Variants in ATP8A2 observed in about 807,000 individuals in gnomAD.
The protein encoded by ATP8A2 is ATPase phospholipid transporting 8A2.
In ATP8A2, 100 loss-of-function variants were observed where a neutral mutation model predicts 165.6. The ratio of observed to expected loss-of-function variants is 0.60; its 90% CI spans 0.51 to 0.71. The LOEUF is 0.71. Among genes scored for constraint, ATP8A2 ranks in the 30% least tolerant of loss-of-function variants. ATP8A2 has a pLI of 0.00. For synonymous variants in ATP8A2, 543 were observed against 548.8 expected, an observed-to-expected ratio of 0.99 and a Z score of 0.15; for missense variants, 1,227 against 1,479.5, an observed-to-expected ratio of 0.83 and a Z score of 2.80.
intron 25 of ATP8A2, 60 bp downstream of exon 25, chr13:25,699,405 A>C: frequency 7.8e-7 from 1 of 1,278,528 alleles, no homozygotes; most frequent in Admixed American, 2.9e-5. Context: ...CCGTGCTTAT[A>C]CAAAAGAAAG....
rs192689141 is a variant in ATP8A2, at chr13:25,979,700, G to A, written c.3377+11021G>A. 2.0e-5 allele frequency among the ~76,000 whole-genome samples: 3 copies of A among 152,308 alleles called. No individual in the cohort carries two copies. The East Asian group carries it at 5.8e-4, about 29-fold the overall frequency. The stretch of plus-strand genomic sequence containing the variant: ...GGAGGAAGTGCCAGGCCAGACTCCG[G>A]CCTAGAATGAGAGAGGGAATTCCTA... On this transcript the variant is annotated intron_variant, in intron 35 of 36. Coordinates refer to ENST00000381655, the MANE Select transcript of ATP8A2 (RefSeq NM_016529.6).
intron 1 of ATP8A2, among the ~76,000 whole-genome samples, chr13:25,415,415 G>A (rs2034103678): frequency 6.6e-6 from 1 of 152,182 alleles, no homozygotes; most frequent in South Asian, 2.1e-4. Context: ...CACTCAACTG[G>A]AGTCTGCACT....
intron 1 of ATP8A2, among the ~76,000 whole-genome samples, chr13:25,439,567 G>C (rs2034873847): frequency 6.6e-6 from 1 of 152,090 alleles, no homozygotes; most frequent in African/African-American, 2.4e-5. Flanking sequence ...TGCCACATAT[G>C]GTTTTGTTAA....
At chr13:25,981,038 A>C (rs1180786932) in intron 35 of ATP8A2, among the ~76,000 whole-genome samples, 1 of 152,258 alleles carries the variant, frequency 6.6e-6, no homozygotes, top group Non-Finnish European at 1.5e-5. Context: ...CAAAACGACA[A>C]AAATTAGAAG....
chr13:25,518,122 C>A (rs2037538097), intron 2 of ATP8A2, among the ~76,000 whole-genome samples: 1 of 152,194 alleles, frequency 6.6e-6, no homozygotes, highest in Non-Finnish European at 1.5e-5. Flanking sequence ...GGTGGTGTTG[C>A]TCTTGTTCTT....
intron 33 of ATP8A2, among the ~76,000 whole-genome samples, chr13:25,870,152 A>G (rs937969924): frequency 2.6e-5 from 4 of 152,104 alleles, no homozygotes; most frequent in African/African-American, 9.7e-5. Context: ...CATTCTGGCG[A>G]TAGGTGGCCT....
At chr13:25,787,629 C>T (rs560053706) in intron 27 of ATP8A2, among the ~76,000 whole-genome samples, 2 of 152,216 alleles carry the variant, frequency 1.3e-5, no homozygotes, top group African/African-American at 2.4e-5. Flanking sequence ...ACTTATTTGC[C>T]TCTCCTCCTC....
At chr13:25,853,059 G>T (rs1192693691) in intron 30 of ATP8A2, among the ~76,000 whole-genome samples, 1 of 152,038 alleles carries the variant, frequency 6.6e-6, no homozygotes, top group Admixed American at 6.5e-5. Flanking sequence ...TGTGTAAAGT[G>T]CTTAGAACTG....
chr13:25,904,517 C>T (rs59251565), intron 33 of ATP8A2, among the ~76,000 whole-genome samples: 1,589 of 152,314 alleles, frequency 0.01, 31 homozygotes, highest in African/African-American at 0.035. Context: ...TCCTGCCTGC[C>T]GGAAGCGCTG....
At chr13:25,852,711 G>A (rs1013213499) in intron 30 of ATP8A2, among the ~76,000 whole-genome samples, 3 of 152,072 alleles carry the variant, frequency 2.0e-5, no homozygotes, top group Admixed American at 1.3e-4. Context: ...GTGCAGTGGT[G>A]TGTGCCTGTA....
At chr13:25,751,216 A>G (rs76211800) in intron 25 of ATP8A2, among the ~76,000 whole-genome samples, 1,590 of 152,280 alleles carry the variant, frequency 0.01, 35 homozygotes, top group African/African-American at 0.037. Context: ...AGGGCCCCAG[A>G]CTGTAATAAG....
chr13:25,380,853 A>C (rs2032811780), intron 1 of ATP8A2, among the ~76,000 whole-genome samples: 1 of 152,194 alleles, frequency 6.6e-6, no homozygotes, highest in Non-Finnish European at 1.5e-5. Flanking sequence ...ACCAGTGTGA[A>C]AGAACTAAAG....
At chr13:25,862,237 G>A (rs2138764852) in intron 32 of ATP8A2, 64 bp from the exon 33 acceptor site, 1 of 1,138,078 alleles carries the variant, frequency 8.8e-7, no homozygotes, top group Non-Finnish European at 1.3e-6. Flanking sequence ...TGCAGCAAGT[G>A]GAGTTGGGGT....
rs751773257 is a variant in ATP8A2, at chr13:25,530,077, T to C, written c.300T>C (p.Phe100=). Residue 100 remains phenylalanine, a synonymous_variant, in exon 3 of 37, where the codon TTT becomes TTC. Transcript: ENST00000381655. ...TTAGAAGAGCTGCTAATGCCTTCTT[T>C]CTCTTCATTGCCTTATTACAGGTAA... ...EQIRRAANAF[F]LFIALLQQIP... is the part of the protein sequence containing the mutation. 1.1e-5 allele frequency: 17 copies of C among 1,605,852 alleles called. No individual in the cohort carries two copies. The Admixed American group carries it at 1.8e-4, about 17-fold the overall frequency.
Position 25,414,293 on chromosome 13 carries a change from C to T in ATP8A2, c.76+42005C>T, listed in dbSNP as rs577249921. Among the ~76,000 whole-genome samples the T allele has an allele frequency of 5.3e-5, 8 of 150,706 alleles. No individual in the cohort carries two copies. The South Asian group carries it at 1.5e-3, about 28-fold the overall frequency. On this transcript the variant is annotated intron_variant, in intron 1 of 36. Transcript: ENST00000381655. ...GCAATCTCTGCCTCCCGGGTTCAAGCGATTTTCCTGCCCCAGCCTCCCGAG... is the reference window on the plus strand; with the variant it reads ...GCAATCTCTGCCTCCCGGGTTCAAGTGATTTTCCTGCCCCAGCCTCCCGAG...
chr13:25,773,326 C>T (rs1352252780), intron 26 of ATP8A2, among the ~76,000 whole-genome samples: 1 of 152,142 alleles, frequency 6.6e-6, no homozygotes, highest in East Asian at 1.9e-4. Context: ...TTGCAGCTAA[C>T]GGCACATTTA....
chr13:25,540,866 CTTT>C (rs553196713), intron 8 of ATP8A2, among the ~76,000 whole-genome samples: 1 of 143,342 alleles, frequency 7.0e-6, no homozygotes, highest in Non-Finnish European at 1.5e-5. Flanking sequence ...TTTTTTGGTT[CTTT>C]TTTTTTTTTT....
intron 25 of ATP8A2, among the ~76,000 whole-genome samples, chr13:25,706,871 G>GT (rs954197903): frequency 2.0e-5 from 3 of 151,952 alleles, no homozygotes; most frequent in Admixed American, 6.6e-5. Flanking sequence ...TTTTAGATAG[G>GT]TTTTTTTAAA....
chr13:25,430,952 G>A (rs1368758776), intron 1 of ATP8A2, among the ~76,000 whole-genome samples: 1 of 151,804 alleles, frequency 6.6e-6, no homozygotes, highest in South Asian at 2.1e-4. Flanking sequence ...GAAGAAACTG[G>A]TTAATATTGT....
Sources: allele counts gnomAD v4.1 joint callset (sites outside exome capture counted in the v4.1 genomes callset), GRCh38; gene constraint gnomAD v4.1.1; transcripts MANE v1.5; gene names NCBI Gene and HGNC (gene_info 2026-07-23, HGNC 2026-07-21).